Variants in TMC5 observed in about 807,000 individuals in gnomAD.
TMC5 encodes transmembrane channel like 5, also known as transmembrane channel-like protein 5.
In TMC5, 86 loss-of-function variants were observed where a neutral mutation model predicts 110.5. That is an observed-to-expected ratio of 0.78 (90% CI 0.65 to 0.93). The LOEUF (loss-of-function observed/expected upper bound fraction) is 0.93. TMC5 is among the 40% of genes least tolerant of loss of function. The pLI is 0.00. For synonymous variants in TMC5, 455 were observed against 439.5 expected (o/e 1.04, Z -0.44); for missense variants, 1,144 against 1,222.8 (o/e 0.94, Z 0.96).
In TMC5 at chr16:19,473,806, C is replaced by T. The variant is rs1968412532; in HGVS notation, c.1939-319C>T. Among the ~76,000 whole-genome samples the T allele has an allele frequency of 2.0e-5, 3 of 151,980 alleles. No homozygotes were observed. The South Asian group carries it at 6.2e-4, about 32-fold the overall frequency. ...ACCAGCCTGGCCAACATGGGGAAAC[C>T]CCATCTCTACTAAAAATACAAAAAT... is the stretch of plus-strand genomic sequence containing the variant. On this transcript the variant is annotated intron_variant, in intron 11 of 21. Transcript: ENST00000542583.
chr16:19,427,084 A>G (rs1967101440), intron 1 of TMC5, among the ~76,000 whole-genome samples: 1 of 152,050 alleles, frequency 6.6e-6, no homozygotes. Flanking sequence ...CCCCCTCTCC[A>G]GCAGGCTCCC....
At chr16:19,493,463 C>CTCTCTCTCTCTCTCTT (rs748855852) in intron 19 of TMC5, among the ~76,000 whole-genome samples, 1 of 58,018 alleles carries the variant, frequency 1.7e-5, no homozygotes, top group African/African-American at 5.3e-5. Context: ...CTCTCTCTCT[C>CTCTCTCTCTCTCTCTT]TCTTTTTTTT....
intron 2 of TMC5, among the ~76,000 whole-genome samples, chr16:19,434,325 ATC>A (rs1335422469): frequency 8.8e-6 from 1 of 113,484 alleles, no homozygotes; most frequent in African/African-American, 3.1e-5. Flanking sequence ...TATAATATAG[ATC>A]TATATATAAT....
rs151314725 is a variant in TMC5 at position 19,439,395 on chromosome 16, A to G, written c.-79-565A>G. On this transcript the variant is annotated intron_variant, in intron 2 of 21. Transcript: ENST00000542583. ...CTCAAGTGTAATCAAAAAGCACAAA[A>G]AGTCCTTGTTTCTTTCAATCCTTTG... Among the ~76,000 whole-genome samples the G allele has an allele frequency of 3.0e-3, 463 of 152,312 alleles. 3 individuals carry two copies. Among genetic ancestry groups the G allele is most frequent in the African/African-American group, 0.011 (453 of 41,564 alleles).
At chr16:19,480,353 C>A (rs1968587556) in intron 14 of TMC5, among the ~76,000 whole-genome samples, 1 of 151,934 alleles carries the variant, frequency 6.6e-6, no homozygotes, top group Non-Finnish European at 1.5e-5. Context: ...GCCTCTCATT[C>A]CTTATAGACA....
Position 19,469,794 on chromosome 16 carries a change from T to C in TMC5, c.1751T>C (p.Leu584Pro), listed in dbSNP as rs1968282456. The C allele has an allele frequency of 1.9e-6, 3 of 1,614,184 alleles. No homozygotes were observed. The South Asian group carries it at 3.3e-5, about 18-fold the overall frequency. ...GTCACTCATGAAAAAGCTGTGAAGC[T>C]AAAACAGAAGAATCTTAGCACTGAG... is the stretch of plus-strand genomic sequence containing the variant. ...FTVTHEKAVK[L>P]KQKNLSTEIR... Residue 584 changes from leucine to proline, a missense_variant, in exon 10 of 22, where the codon CTA (leucine) becomes CCA (proline). Leu to Pro is a moderately conservative substitution (Grantham distance 98). Transcript: ENST00000542583.
At chr16:19,466,036 T>C (rs369013928) in intron 8 of TMC5, 46 bp from the exon 9 acceptor site, 3 of 1,605,572 alleles carry the variant, frequency 1.9e-6, no homozygotes, top group Non-Finnish European at 2.6e-6. Flanking sequence ...CGTTTACCTT[T>C]TTTTTCAGGA....
intron 15 of TMC5, among the ~76,000 whole-genome samples, chr16:19,486,517 C>A (rs1968744901): frequency 6.6e-6 from 1 of 152,192 alleles, no homozygotes; most frequent in African/African-American, 2.4e-5. Flanking sequence ...GCTAAGATTA[C>A]AAGCATACGC....
chr16:19,412,217 C>T (rs553402577), intron 1 of TMC5, among the ~76,000 whole-genome samples: 5 of 151,286 alleles, frequency 3.3e-5, no homozygotes, highest in East Asian at 1.9e-4. Flanking sequence ...ACCAAAGGCA[C>T]GCACCACCAT....
intron 2 of TMC5, among the ~76,000 whole-genome samples, chr16:19,435,217 C>T (rs192091210): frequency 1.3e-5 from 2 of 151,994 alleles, no homozygotes; most frequent in African/African-American, 4.8e-5. Context: ...ATAGGCCAGG[C>T]GCAGTGGCTC....
chr16:19,438,204 C>T (rs1967389701), intron 2 of TMC5, among the ~76,000 whole-genome samples: 1 of 151,440 alleles, frequency 6.6e-6, no homozygotes, highest in African/African-American at 2.4e-5. Context: ...TCAGCCTGGG[C>T]AACAACATAG....
At chr16:19,417,439 AAGG>A (rs906660926), upstream of TMC5, among the ~76,000 whole-genome samples, 1 of 126,206 alleles carries the variant, frequency 7.9e-6, no homozygotes, top group African/African-American at 2.7e-5. Flanking sequence ...AAAAAAAAAA[AAGG>A]AGCCAGTGCC....
intron 15 of TMC5, among the ~76,000 whole-genome samples, chr16:19,485,154 C>G (rs1276812662): frequency 6.9e-6 from 1 of 145,260 alleles, no homozygotes; most frequent in Non-Finnish European, 1.5e-5. Context: ...TTTTTTAATG[C>G]CATGGTAGAT....
chr16:19,487,083 T>A (rs2143731947), intron 16 of TMC5, 63 bp downstream of exon 16: 1 of 1,609,706 alleles, frequency 6.2e-7, no homozygotes, highest in East Asian at 2.2e-5. Flanking sequence ...TGGTGGCGCT[T>A]AAAGCTGGGG....
At chr16:19,467,017 ACG>A (rs1228471891) in intron 9 of TMC5, among the ~76,000 whole-genome samples, 1 of 151,974 alleles carries the variant, frequency 6.6e-6, no homozygotes, top group African/African-American at 2.4e-5. Flanking sequence ...TTGGTGGCGC[ACG>A]CCTGTGTTCC....
chr16:19,480,672 G>C (rs11864410), intron 14 of TMC5, among the ~76,000 whole-genome samples: 1 of 151,906 alleles, frequency 6.6e-6, no homozygotes, highest in Non-Finnish European at 1.5e-5. Context: ...GAGCATGGTG[G>C]TGTGTGCCTA....
intron 21 of TMC5, among the ~76,000 whole-genome samples, chr16:19,497,583 G>A (rs1041469861): frequency 1.3e-5 from 2 of 152,186 alleles, no homozygotes; most frequent in African/African-American, 4.8e-5. Context: ...CAGTTCCCTT[G>A]ATCACATGAT....
At chr16:19,441,834 G>C (rs532004951) in intron 3 of TMC5, among the ~76,000 whole-genome samples, 6 of 149,202 alleles carry the variant, frequency 4.0e-5, no homozygotes, top group Non-Finnish European at 8.9e-5. Flanking sequence ...ATGGAGTTTC[G>C]CTCTTGTTGC....
chr16:19,456,794 A>AT (rs1411538475), intron 5 of TMC5: 2 of 1,614,126 alleles, frequency 1.2e-6, no homozygotes, highest in South Asian at 2.2e-5. Flanking sequence ...CTCAAATCAG[A>AT]TTTTTCAAGA....
Sources: allele counts gnomAD v4.1 joint callset (sites outside exome capture counted in the v4.1 genomes callset), GRCh38; gene constraint gnomAD v4.1.1; transcripts MANE v1.5; gene names NCBI Gene and HGNC (gene_info 2026-07-23, HGNC 2026-07-21).